The following TSGA10 variants were observed in gnomAD, a reference collection of about 807,000 sequenced individuals.
The protein encoded by TSGA10 is testis specific 10.
TSGA10 carries 43 observed loss-of-function variants against 96.6 expected under a neutral mutation model. The ratio of observed to expected loss-of-function variants is 0.44; its 90% confidence interval spans 0.35 to 0.57. The LOEUF is 0.57. Ranked by LOEUF, TSGA10 falls within the 20% of genes least tolerant of loss-of-function variation. The pLI is 0.01. For synonymous variants in TSGA10, 229 were observed against 269.9 expected (o/e 0.85, Z 1.48); for missense variants, 703 against 834.4 (o/e 0.84, Z 1.94).
chr2:99,089,339 G>C (rs948579246), intron 10 of TSGA10, among the ~76,000 whole-genome samples: 6 of 152,212 alleles, frequency 3.9e-5, no homozygotes, highest in Non-Finnish European at 7.4e-5. Context: ...AAAGACCACA[G>C]GGAGAAGGAA....
intron 1 of TSGA10, among the ~76,000 whole-genome samples, chr2:99,139,650 GATAA>G (rs1208722448): frequency 2.0e-5 from 3 of 152,050 alleles, no homozygotes; most frequent in African/African-American, 7.2e-5. Context: ...AAAATAAGTG[GATAA>G]ATATTTTGGG....
chr2:99,020,900 TA>T (rs1438188083), intron 17 of TSGA10, among the ~76,000 whole-genome samples: 1 of 150,746 alleles, frequency 6.6e-6, no homozygotes, highest in Non-Finnish European at 1.5e-5. Flanking sequence ...TATATTCTTA[TA>T]TAAAGAGTAA....
At chr2:99,070,337 G>A (rs190111559) in intron 14 of TSGA10, among the ~76,000 whole-genome samples, 33 of 152,036 alleles carry the variant, frequency 2.2e-4, no homozygotes, top group African/African-American at 6.7e-4. Flanking sequence ...GATCACACAC[G>A]CAGAGAGCAA....
At chr2:99,097,861 T>C (rs992757859) in intron 10 of TSGA10, among the ~76,000 whole-genome samples, 1 of 152,110 alleles carries the variant, frequency 6.6e-6, no homozygotes, top group African/African-American at 2.4e-5. Flanking sequence ...CAAAAGAAAA[T>C]ATTTTTCATG....
At chr2:99,053,821 T>C (rs1208369004) in intron 16 of TSGA10, among the ~76,000 whole-genome samples, 1 of 151,850 alleles carries the variant, frequency 6.6e-6, no homozygotes, top group Non-Finnish European at 1.5e-5. Context: ...TATAATAGCA[T>C]AAGAAAAAAG....
intron 4 of TSGA10, among the ~76,000 whole-genome samples, chr2:99,113,551 G>T (rs184554183): frequency 6.6e-5 from 10 of 152,172 alleles, no homozygotes; most frequent in African/African-American, 2.4e-4. Flanking sequence ...CAGCTTTTTT[G>T]TTGTTGTTTT....
rs572049096 is a variant in TSGA10, at chr2:99,035,401, A to T, written c.1443T>A (p.Ser481=). Residue 481 remains serine, a synonymous_variant, in exon 17 of 21, where the codon TCT becomes TCA. Transcript: ENST00000393483. ...NAERSYKSQI[S]TLHKSVVKME... is the part of the protein sequence containing the mutation. ...TTTTTACAACAGATTTATGTAAGGT[A>T]GAAATCTGGGACTTGTAAGACCTTT... The T allele has an allele frequency of 6.2e-7, 1 of 1,612,500 alleles. No individual in the cohort carries two copies. The highest frequency in any genetic ancestry group is 1.1e-5 in the South Asian group (1 of 90,806).
intron 4 of TSGA10, among the ~76,000 whole-genome samples, chr2:99,112,526 T>C (rs1358492106): frequency 8.1e-6 from 1 of 124,084 alleles, no homozygotes; most frequent in Non-Finnish European, 1.9e-5. Context: ...GAATTTTAAA[T>C]AGGGTGGTCA....
intron 20 of TSGA10, among the ~76,000 whole-genome samples, chr2:99,015,301 T>A (rs1473106199): frequency 6.6e-6 from 1 of 152,100 alleles, no homozygotes; most frequent in Non-Finnish European, 1.5e-5. Flanking sequence ...CATGACCAAG[T>A]GAGTTGCATA....
chr2:99,043,798 CAGG>C (rs1411461490), intron 16 of TSGA10, among the ~76,000 whole-genome samples: 2 of 152,134 alleles, frequency 1.3e-5, no homozygotes, highest in Non-Finnish European at 2.9e-5. Flanking sequence ...AGCCTACACC[CAGG>C]AGAACTACCT....
chr2:99,024,133 C>T (rs2080314944), intron 17 of TSGA10, among the ~76,000 whole-genome samples: 1 of 152,006 alleles, frequency 6.6e-6, no homozygotes, highest in South Asian at 2.1e-4. Context: ...GCTCTGTCAC[C>T]AGGCAGAGTG....
At chr2:99,085,175 A>G (rs942455225) in intron 10 of TSGA10, among the ~76,000 whole-genome samples, 3 of 152,060 alleles carry the variant, frequency 2.0e-5, no homozygotes, top group Non-Finnish European at 4.4e-5. Flanking sequence ...TGAACCCAGG[A>G]GGCGGAGGTT....
intron 18 of TSGA10, among the ~76,000 whole-genome samples, 178 bp from the exon 19 acceptor site, chr2:99,018,818 C>A (rs1400550644): frequency 6.6e-6 from 1 of 152,104 alleles, no homozygotes; most frequent in Non-Finnish European, 1.5e-5. Flanking sequence ...AGTAAGTATG[C>A]AGAGTAGCCT....
At chr2:99,100,586 C>T (rs532624045) in intron 10 of TSGA10, among the ~76,000 whole-genome samples, 59 of 151,982 alleles carry the variant, frequency 3.9e-4, no homozygotes, top group Admixed American at 5.9e-4. Context: ...TTTGGGAGGC[C>T]GAGGCGGGCA....
intron 10 of TSGA10, among the ~76,000 whole-genome samples, chr2:99,089,995 C>T (rs2089089851): frequency 1.3e-5 from 2 of 152,124 alleles, no homozygotes; most frequent in South Asian, 4.1e-4. Flanking sequence ...AACCAAGGAC[C>T]CTCACAGAGT....
At chr2:99,096,372 A>C (rs2090038293) in intron 10 of TSGA10, among the ~76,000 whole-genome samples, 1 of 152,216 alleles carries the variant, frequency 6.6e-6, no homozygotes, top group Non-Finnish European at 1.5e-5. Flanking sequence ...CAATGGCATG[A>C]AACATCTCGG....
chr2:99,138,840 C>T (rs1303562535), intron 1 of TSGA10, among the ~76,000 whole-genome samples: 1 of 152,094 alleles, frequency 6.6e-6, no homozygotes, highest in Non-Finnish European at 1.5e-5. Context: ...TGAAGAAGCC[C>T]TACAGTACAG....
At chr2:99,091,370 A>ACATG (rs1283095132) in intron 10 of TSGA10, among the ~76,000 whole-genome samples, 2 of 152,156 alleles carry the variant, frequency 1.3e-5, no homozygotes, top group Non-Finnish European at 1.5e-5. Flanking sequence ...GTAAATACAT[A>ACATG]CATGCATGCA....
chr2:99,028,824 CA>C (rs1321814335), intron 17 of TSGA10, among the ~76,000 whole-genome samples: 3 of 152,172 alleles, frequency 2.0e-5, no homozygotes, highest in African/African-American at 7.2e-5. Flanking sequence ...AATTGTGAAG[CA>C]GTGGCTTTTT....
Sources: allele counts gnomAD v4.1 joint callset (sites outside exome capture counted in the v4.1 genomes callset), GRCh38; gene constraint gnomAD v4.1.1; transcripts MANE v1.5; gene names NCBI Gene and HGNC (gene_info 2026-07-23, HGNC 2026-07-21).